Variants in PKIG observed in about 807,000 individuals in gnomAD.
PKIG encodes cAMP-dependent protein kinase inhibitor gamma.
Under a neutral mutation model 6.8 loss-of-function variants are expected in PKIG, and 1 was observed. The observed-to-expected ratio is 0.15, with a 90% CI of 0.05 to 0.69. The LOEUF is 0.69. Ranked by LOEUF, PKIG falls within the 30% of genes least tolerant of loss-of-function variation. The pLI is 0.82. For missense variants in PKIG, 77 were observed against 104.0 expected (o/e 0.74, Z 1.13); for synonymous variants, 39 against 43.0 (o/e 0.91, Z 0.36).
At chr20:44,548,433 A>T (rs2064636349) in intron 1 of PKIG, among the ~76,000 whole-genome samples, 1 of 152,190 alleles carries the variant, frequency 6.6e-6, no homozygotes, top group Admixed American at 6.5e-5. Flanking sequence ...ACAGGACAAT[A>T]GGCTTTGTTT....
intron 2 of PKIG, among the ~76,000 whole-genome samples, chr20:44,597,771 A>G (rs1312794923): frequency 6.6e-6 from 1 of 152,210 alleles, no homozygotes; most frequent in African/African-American, 2.4e-5. Flanking sequence ...AGGTTCTCAG[A>G]GAGTGGCAGT....
upstream of PKIG, among the ~76,000 whole-genome samples, chr20:44,580,207 T>C (rs544663249): frequency 6.6e-6 from 1 of 152,218 alleles, no homozygotes; most frequent in African/African-American, 2.4e-5. Context: ...AAGGCTGTTA[T>C]TCTTCTCATT....
intron 1 of PKIG, among the ~76,000 whole-genome samples, chr20:44,587,699 T>G (rs1268230109): frequency 6.6e-6 from 1 of 152,166 alleles, no homozygotes; most frequent in African/African-American, 2.4e-5. Flanking sequence ...ACTCAGTGAT[T>G]TCACTTCTCT....
At chr20:44,601,954 C>T (rs981533489) in intron 2 of PKIG, among the ~76,000 whole-genome samples, 1 of 152,158 alleles carries the variant, frequency 6.6e-6, no homozygotes, top group Non-Finnish European at 1.5e-5. Flanking sequence ...TAGAAACCCA[C>T]GGGAGAAGTG....
chr20:44,552,869 G>A (rs1215139501), intron 1 of PKIG, among the ~76,000 whole-genome samples: 3 of 152,090 alleles, frequency 2.0e-5, no homozygotes, highest in African/African-American at 7.2e-5. Flanking sequence ...TACTTAGTCT[G>A]GGGGCTTCTC....
chr20:44,552,752 G>A (rs2064680491), intron 1 of PKIG, among the ~76,000 whole-genome samples: 1 of 152,096 alleles, frequency 6.6e-6, no homozygotes, highest in Admixed American at 6.6e-5. Flanking sequence ...CACGTAGTAG[G>A]TGCTCATGAA....
At chr20:44,562,709 C>G (rs1340502988) in intron 1 of PKIG, among the ~76,000 whole-genome samples, 1 of 150,566 alleles carries the variant, frequency 6.6e-6, no homozygotes, top group South Asian at 2.1e-4. Context: ...AATTTTAAAC[C>G]AAAATTTTGA....
chr20:44,610,500 TCACACACACACACACACA>T lies in PKIG; in HGVS notation c.-23-4022_-23-4005del, dbSNP rs559846553. On this transcript the variant is annotated intron_variant, in intron 2 of 3. Transcript: ENST00000372886. The stretch of plus-strand genomic sequence containing the variant: ...TCTCTCTCTCTTCTCTCTCTCTCTC[TCACACACACACACACACA>T]CACACACACACCTGCAGCACTTACT... Among the ~76,000 whole-genome samples, 6 of 135,492 alleles carry T rather than the reference TCACACACACACACACACA, an allele frequency of 4.4e-5. No homozygotes were observed. The East Asian group carries it at 1.2e-3, about 27-fold the overall frequency. The allele number at this position is 135,492 out of a possible 152,430, so 88.9% of individuals were successfully genotyped here. A position where few individuals can be genotyped will look rare whatever the true frequency, so the allele number is the denominator to read the frequency against.
At chr20:44,558,574 T>TCTTTC (rs1555835144) in intron 1 of PKIG, among the ~76,000 whole-genome samples, 5 of 131,900 alleles carry the variant, frequency 3.8e-5, no homozygotes, top group African/African-American at 1.5e-4. Context: ...TTTTTTTCTT[T>TCTTTC]TTTCTTTCTT....
chr20:44,588,675 G>T (rs1164917014), intron 1 of PKIG, among the ~76,000 whole-genome samples: 1 of 151,936 alleles, frequency 6.6e-6, no homozygotes, highest in Non-Finnish European at 1.5e-5. Context: ...CTTATACCAA[G>T]AGTAAAGGAG....
chr20:44,598,146 T>C (rs1024566099), intron 2 of PKIG, among the ~76,000 whole-genome samples: 2 of 152,096 alleles, frequency 1.3e-5, no homozygotes, highest in African/African-American at 4.8e-5. Context: ...TCTCAGGACC[T>C]CTCCCCTGTG....
chr20:44,537,742 A>ATT (rs1236609004), intron 1 of PKIG, among the ~76,000 whole-genome samples: 6 of 118,578 alleles, frequency 5.1e-5, no homozygotes, highest in Admixed American at 3.6e-4. Flanking sequence ...CACACCGGCT[A>ATT]TTTTTTTTTT....
Position 44,614,761 on chromosome 20 carries a change from C to T in PKIG, c.151+54C>T. 2 of 1,592,136 alleles carry T rather than the reference C, an allele frequency of 1.3e-6. No homozygotes were observed. Among genetic ancestry groups the T allele is most frequent in the African/African-American group, 1.3e-5 (1 of 74,640 alleles). ...TGCATGCCAGAGGCCCTCTGCCGGG[C>T]CCCGGGCTAGCCTCCAAGTCCTAGA... On this transcript the variant is annotated intron_variant, in intron 3 of 3. Transcript: ENST00000372886. The surrounding 1 kb of genome is among the most constrained non-coding windows in gnomAD (Gnocchi z 4.6).
At chr20:44,547,617 C>G (rs1176201132) in intron 1 of PKIG, among the ~76,000 whole-genome samples, 1 of 152,196 alleles carries the variant, frequency 6.6e-6, no homozygotes, top group Non-Finnish European at 1.5e-5. Flanking sequence ...TACTATCACT[C>G]CTGCGTAGTT....
chr20:44,550,198 G>A (rs1485485715), intron 1 of PKIG, among the ~76,000 whole-genome samples: 1 of 149,470 alleles, frequency 6.7e-6, no homozygotes, highest in East Asian at 2.0e-4. Context: ...AGCGTTGTTA[G>A]ATACATAAAA....
chr20:44,575,335 C>G (rs2064887616), intron 1 of PKIG, among the ~76,000 whole-genome samples: 2 of 152,252 alleles, frequency 1.3e-5, no homozygotes, highest in African/African-American at 4.8e-5. Context: ...GCTCCTGCCT[C>G]TGCCTCCGGA....
At chr20:44,611,849 A>G (rs138960575) in intron 2 of PKIG, among the ~76,000 whole-genome samples, 1,913 of 151,680 alleles carry the variant, frequency 0.013, 20 homozygotes, top group South Asian at 0.04. Flanking sequence ...TTAAGATTCC[A>G]TGTATGCGTA....
chr20:44,550,291 C>T (rs1161821932), intron 1 of PKIG, among the ~76,000 whole-genome samples: 2 of 151,446 alleles, frequency 1.3e-5, no homozygotes, highest in Non-Finnish European at 2.9e-5. Context: ...ATATAAACTC[C>T]ATCAAGTTCA....
chr20:44,565,383 A>C (rs980868943), intron 1 of PKIG, among the ~76,000 whole-genome samples: 2 of 152,214 alleles, frequency 1.3e-5, no homozygotes, highest in Non-Finnish European at 2.9e-5. Flanking sequence ...CAAACAACAA[A>C]ATTCACTGTA....
Sources: gnomAD v4.1 joint callset for allele counts (sites outside exome capture counted in the v4.1 genomes callset) on GRCh38, gnomAD v4.1.1 for gene constraint, Gnocchi (gnomAD v3.1) non-coding constraint, MANE v1.5 for transcripts, NCBI Gene and HGNC (gene_info 2026-07-23, HGNC 2026-07-21) for gene names.